KDM2B: variants seen among roughly 807,000 people sequenced by gnomAD.
KDM2B encodes lysine-specific demethylase 2B.
A neutral mutation model predicts 150.0 loss-of-function variants in KDM2B; 26 were observed. The observed-to-expected ratio is 0.17, with a 90% CI of 0.13 to 0.24. The LOEUF (loss-of-function observed/expected upper bound fraction) is 0.24, where lower values mean the gene tolerates loss of function less well. Among genes scored for constraint, KDM2B ranks in the 10% least tolerant of loss-of-function variants. The pLI is 1.00. For missense variants in KDM2B, 1,265 were observed against 1,816.9 expected, an observed-to-expected ratio of 0.70 and a Z score of 5.52; for synonymous variants, 734 against 729.5, an observed-to-expected ratio of 1.01 and a Z score of -0.10.
At chr12:121,567,477 G>C (rs540424934) in intron 4 of KDM2B, among the ~76,000 whole-genome samples, 176 of 152,278 alleles carry the variant, frequency 1.2e-3, no homozygotes, top group African/African-American at 3.4e-3. Context: ...GCGATGGCGA[G>C]GCGGGAGGAT....
intron 8 of KDM2B, among the ~76,000 whole-genome samples, chr12:121,527,525 G>A (rs1395514877): frequency 6.7e-6 from 1 of 150,328 alleles, no homozygotes; most frequent in Non-Finnish European, 1.5e-5. Context: ...ATGGTGGCAG[G>A]CGCCTGTAGT....
At chr12:121,552,004 G>A (rs2142060938) in intron 4 of KDM2B, among the ~76,000 whole-genome samples, 1 of 152,312 alleles carries the variant, frequency 6.6e-6, no homozygotes, top group East Asian at 1.9e-4. Context: ...ACCTGGAAAA[G>A]CAAGGTGAGA....
chr12:121,501,611 G>A (rs1324253655), intron 11 of KDM2B, among the ~76,000 whole-genome samples: 3 of 151,954 alleles, frequency 2.0e-5, no homozygotes, highest in South Asian at 4.2e-4. Context: ...GGTATTTTTT[G>A]TTGTTGTTTT....
intron 10 of KDM2B, among the ~76,000 whole-genome samples, chr12:121,511,644 T>C (rs893066989): frequency 2.6e-5 from 4 of 152,194 alleles, no homozygotes; most frequent in Non-Finnish European, 4.4e-5. Context: ...TTTGCGGTGA[T>C]GAAAATGTGA....
At chr12:121,528,624 G>A (rs1887365563) in intron 8 of KDM2B, among the ~76,000 whole-genome samples, 1 of 152,006 alleles carries the variant, frequency 6.6e-6, no homozygotes, top group South Asian at 2.1e-4. Flanking sequence ...TGGATGCATA[G>A]CTGAATTCTA....
chr12:121,480,932 GT>G (rs71079072), intron 12 of KDM2B, among the ~76,000 whole-genome samples: 44,248 of 134,640 alleles, frequency 0.33, 7,115 homozygotes, highest in Middle Eastern at 0.49. Flanking sequence ...TTTTTTTGTT[GT>G]TTTTTTTTTT....
Position 121,574,513 on chromosome 12 carries a change from C to T in KDM2B, c.397+34G>A, listed in dbSNP as rs1001024776. ...GCCTCTTTCCCCTTCCCTACTTCAG[C>T]ATGTCTGAGCCACACACACGGCAAG... On this transcript the variant is annotated intron_variant, in intron 4 of 22. Coordinates refer to ENST00000377071, the MANE Select transcript of KDM2B (RefSeq NM_032590.5). 9 of 1,607,772 alleles carry T rather than the reference C, an allele frequency of 5.6e-6. No homozygotes were observed. In the South Asian group the frequency reaches 9.9e-5, roughly 18 times the overall value.
intron 12 of KDM2B, among the ~76,000 whole-genome samples, chr12:121,460,533 G>A (rs781820789): frequency 1.3e-5 from 2 of 152,152 alleles, no homozygotes; most frequent in Non-Finnish European, 2.9e-5. Flanking sequence ...CTTAGTAGCC[G>A]AGATACAGGC....
At chr12:121,445,085 G>A in intron 14 of KDM2B, 190 bp downstream of exon 14, 1 of 606,846 alleles carries the variant, frequency 1.6e-6, no homozygotes, top group South Asian at 2.1e-5. Context: ...TTCCTTTGAT[G>A]ACACTGGGTC....
intron 8 of KDM2B, among the ~76,000 whole-genome samples, chr12:121,528,099 G>A (rs1158342491): frequency 6.6e-6 from 1 of 152,230 alleles, no homozygotes; most frequent in Non-Finnish European, 1.5e-5. Flanking sequence ...CCCTGACGCT[G>A]TATTCTCACC....
At position 121,442,671 on chromosome 12, in the gene KDM2B, C is replaced by A; in HGVS notation, c.2770G>T (p.Ala924Ser). ...SPTAGPSTEG[A>S]EGPEEKKKVK... ...TTCTTCTTCTCCTCCGGGCCCTCGG[C>A]CCCTTCGGTGCTGGGTCCCGCGGTG... The change falls in exon 19 of 23, where the codon GCC (alanine) becomes TCC (serine). Residue 924 changes from alanine to serine, a missense_variant. Ala to Ser is a moderately conservative substitution (Grantham distance 99, BLOSUM62 1). This residue lies in a region of KDM2B where 418 missense variants were observed against 402.4 expected (regional missense o/e 1.04). Transcript: ENST00000377071. The surrounding 1 kb of genome is among the most constrained non-coding windows in gnomAD (Gnocchi z 7.7). 1 of 1,605,930 alleles carries A rather than the reference C, an allele frequency of 6.2e-7. No individual in the cohort carries two copies. The highest frequency in any genetic ancestry group is 8.5e-7 in the Non-Finnish European group (1 of 1,177,420).
rs1555317920 is a variant in KDM2B, at chr12:121,580,898, T to G, written c.14A>C (p.Gln5Pro). 6.2e-7 allele frequency: 1 copy of G among 1,613,844 alleles called. No homozygotes were observed. Among genetic ancestry groups the G allele is most frequent in the East Asian group, 2.2e-5 (1 of 44,870 alleles). ...GTGATCCTCTGCAGATCCCCCCATT[T>G]GCGGACCCGCCATGTGGAGGAGGCA... MAGPQMGGSAEDHPP... is the reference protein window; with the variant it reads MAGPPMGGSAEDHPP... The change falls in exon 1 of 23, where the codon CAA becomes CCA. Residue 5 changes from glutamine (Q) to proline (P), a missense_variant. By Grantham distance (76) the Gln-to-Pro change is moderately conservative. Around this residue, in one of 11 missense-constraint regions of KDM2B, gnomAD observed 53 missense variants for 56.0 expected, o/e 0.95. Coordinates refer to ENST00000377071, the MANE Select transcript of KDM2B (RefSeq NM_032590.5).
intron 12 of KDM2B, among the ~76,000 whole-genome samples, chr12:121,489,854 T>C (rs1403453316): frequency 2.0e-5 from 3 of 152,156 alleles, no homozygotes; most frequent in Non-Finnish European, 2.9e-5. Flanking sequence ...CAGGTGAAGC[T>C]GATGCCACCA....
chr12:121,445,465 C>T (rs534085115), intron 13 of KDM2B, 47 bp from the exon 14 acceptor site: 24 of 1,532,060 alleles, frequency 1.6e-5, no homozygotes, highest in South Asian at 4.9e-5. Context: ...GTGGGGAGCA[C>T]GGACCCCCAG....
Position 121,549,941 on chromosome 12 carries a change from C to T in KDM2B, c.398-303G>A, listed in dbSNP as rs1323047567. ...CTGTAATCCCAGCACTTTGGGAGGC[C>T]GAGGTGGAGGGATCACCTGAGGTCA... On this transcript the variant is annotated intron_variant, in intron 4 of 22. Transcript: ENST00000377071. This position sits in a 1 kb window ranked among gnomAD's most constrained non-coding sequence, Gnocchi z 4.4. Among the ~76,000 whole-genome samples, 3 of 152,274 alleles carry T rather than the reference C, an allele frequency of 2.0e-5. No homozygotes were observed. The East Asian group carries it at 5.8e-4, about 29-fold the overall frequency.
chr12:121,532,867 G>A lies in KDM2B; in HGVS notation c.870C>T (p.Asp290=). 1 of 1,614,220 alleles carries A rather than the reference G, an allele frequency of 6.2e-7. No homozygotes were observed. The highest frequency in any genetic ancestry group is 1.1e-5 in the South Asian group (1 of 91,078). ...SGKQSDIFLG[D]RVERCQRIEL... Reference sequence around the variant, plus strand: ...CAATTCTTTGGCATCGTTCCACACGGTCTCCCAGAAAGATGTCACTCTGTT... The same window carrying A: ...CAATTCTTTGGCATCGTTCCACACGATCTCCCAGAAAGATGTCACTCTGTT... Residue 290 remains aspartate (D), a synonymous_variant, in exon 8 of 23, where the codon GAC becomes GAT. Transcript: ENST00000377071.
chr12:121,418,515 C>G, the KDM2B span: 1 of 152,306 alleles, frequency 6.6e-6, no homozygotes. Flanking sequence ...ATGTTTTGAA[C>G]AAATTTTTTC....
At position 121,513,891 on chromosome 12, in the gene KDM2B, T is replaced by G. The variant is rs1417533970; in HGVS notation, c.1048-489A>C. On this transcript the variant is annotated intron_variant, in intron 9 of 22. Transcript: ENST00000377071. The surrounding 1 kb of genome is among the most constrained non-coding windows in gnomAD (Gnocchi z 5.0). Reference sequence around the variant, plus strand: ...CTATTTGCAGACAGGTTATGGAGCCTCCTCCTGTTTGTTGGGAGGGAGGCC... The same window carrying G: ...CTATTTGCAGACAGGTTATGGAGCCGCCTCCTGTTTGTTGGGAGGGAGGCC... 1.3e-5 allele frequency among the ~76,000 whole-genome samples: 2 copies of G among 152,062 alleles called. No individual in the cohort carries two copies. Among genetic ancestry groups the G allele is most frequent in the African/African-American group, 4.8e-5 (2 of 41,376 alleles).
the KDM2B span, among the ~76,000 whole-genome samples, chr12:121,422,674 A>G: frequency 6.6e-6 from 1 of 152,238 alleles, no homozygotes; most frequent in East Asian, 1.9e-4. Flanking sequence ...TGACCTGTAG[A>G]AAGGGAAGCA....
Sources: allele counts gnomAD v4.1 joint callset (sites outside exome capture counted in the v4.1 genomes callset), GRCh38; gene constraint gnomAD v4.1.1; regional missense constraint gnomAD v4.1.1; non-coding constraint Gnocchi (gnomAD v3.1); transcripts MANE v1.5; gene names NCBI Gene and HGNC (gene_info 2026-07-23, HGNC 2026-07-21).